The following FUT8 variants were observed in gnomAD, a reference collection of about 807,000 sequenced individuals.
FUT8 encodes fucosyltransferase 8.
A neutral mutation model predicts 71.3 loss-of-function variants in FUT8; 29 were observed. The observed-to-expected ratio is 0.41, with a 90% CI of 0.30 to 0.55. The LOEUF is 0.55. Ranked by LOEUF, FUT8 falls within the 20% of genes least tolerant of loss-of-function variation. The pLI, the probability that FUT8 is intolerant of heterozygous loss-of-function variation, is 0.34. For missense variants in FUT8, 544 were observed against 702.1 expected, an observed-to-expected ratio of 0.77 and a Z score of 2.55; for synonymous variants, 254 against 239.3, an observed-to-expected ratio of 1.06 and a Z score of -0.57.
intron 7 of FUT8, among the ~76,000 whole-genome samples, chr14:65,709,690 A>G (rs115259188): frequency 4.0e-4 from 61 of 152,270 alleles, no homozygotes; most frequent in African/African-American, 1.4e-3. Context: ...AAGTACAGAA[A>G]TGCTTTTTTG....
chr14:65,514,790 T>C (rs535708366), intron 2 of FUT8, among the ~76,000 whole-genome samples: 8 of 152,310 alleles, frequency 5.3e-5, no homozygotes, highest in Admixed American at 2.6e-4. Context: ...TGTGCCAAGC[T>C]GGTGCGCTGC....
At chr14:65,670,145 C>T (rs1055470403) in intron 7 of FUT8, among the ~76,000 whole-genome samples, 1 of 152,112 alleles carries the variant, frequency 6.6e-6, no homozygotes, top group Non-Finnish European at 1.5e-5. Context: ...TAAGAAATTT[C>T]CTTTCTCTCC....
At chr14:65,392,130 C>T in the FUT8 span, among the ~76,000 whole-genome samples, 8 of 151,864 alleles carry the variant, frequency 5.3e-5, no homozygotes, top group African/African-American at 1.9e-4. Flanking sequence ...TGGGGTTTCT[C>T]AATGTTGGTC....
the FUT8 span, among the ~76,000 whole-genome samples, chr14:65,390,437 G>T: frequency 2.6e-5 from 4 of 151,582 alleles, no homozygotes; most frequent in South Asian, 8.3e-4. Context: ...TAGAAGAGAG[G>T]TTCACTTTTC....
chr14:65,502,305 A>G (rs943766433), intron 2 of FUT8, among the ~76,000 whole-genome samples: 6 of 150,738 alleles, frequency 4.0e-5, no homozygotes, highest in African/African-American at 7.3e-5. Flanking sequence ...GCTCACTGCA[A>G]TCTCCACCCC....
intron 1 of FUT8, among the ~76,000 whole-genome samples, chr14:65,452,753 A>G (rs978043562): frequency 6.6e-5 from 10 of 152,240 alleles, no homozygotes; most frequent in African/African-American, 2.4e-4. Context: ...ACACATGGTT[A>G]GGAGTAGGGC....
chr14:65,378,258 A>G, the FUT8 span, among the ~76,000 whole-genome samples: 2 of 152,266 alleles, frequency 1.3e-5, no homozygotes, highest in East Asian at 3.9e-4. Flanking sequence ...CTGCTAAGAA[A>G]GAGGTTGAGA....
At chr14:65,549,728 T>G (rs1324014376) in intron 2 of FUT8, among the ~76,000 whole-genome samples, 1 of 152,222 alleles carries the variant, frequency 6.6e-6, no homozygotes, top group Non-Finnish European at 1.5e-5. Flanking sequence ...TAATAGTTAC[T>G]GTAAGGTGAT....
chr14:65,472,617 G>A lies in FUT8; in HGVS notation c.-228+16899G>A, dbSNP rs2066165351. 6.6e-6 allele frequency among the ~76,000 whole-genome samples: 1 copy of A among 151,522 alleles called. No homozygotes were observed. Among genetic ancestry groups the A allele is most frequent in the Admixed American group, 6.6e-5 (1 of 15,232 alleles). ...CCTTTTTGGGTGTAGGGTCATGTCA[G>A]GCTTTACTAATTGCACTTCTGATAA... is the stretch of plus-strand genomic sequence containing the variant. On this transcript the variant is annotated intron_variant, in intron 2 of 10. Transcript: ENST00000673929. This position sits in a 1 kb window ranked among gnomAD's most constrained non-coding sequence, Gnocchi z 4.4.
chr14:65,550,493 GGTTGTAGGGTTACTCA>G lies in FUT8; in HGVS notation c.-227-10842_-227-10827del, dbSNP rs1464917011. Among the ~76,000 whole-genome samples, 3 of 152,102 alleles carry G rather than the reference GGTTGTAGGGTTACTCA, an allele frequency of 2.0e-5. No homozygotes were observed. Among genetic ancestry groups the G allele is most frequent in the African/African-American group, 7.2e-5 (3 of 41,410 alleles). Reference sequence around the variant, plus strand: ...CTTTACTGAAAGTGAAGAACAAAATGGTTGTAGGGTTACTCAGAGTGGTTTCTACTGAATATATATT... The same window carrying G: ...CTTTACTGAAAGTGAAGAACAAAATGGAGTGGTTTCTACTGAATATATATT... On this transcript the variant is annotated intron_variant, in intron 2 of 10. Coordinates refer to ENST00000673929, the MANE Select transcript of FUT8 (RefSeq NM_001371533.1). This position sits in a 1 kb window ranked among gnomAD's most constrained non-coding sequence, Gnocchi z 4.5.
At chr14:65,730,866 G>A (rs1189822280) in intron 9 of FUT8, among the ~76,000 whole-genome samples, 1 of 152,128 alleles carries the variant, frequency 6.6e-6, no homozygotes, top group Non-Finnish European at 1.5e-5. Flanking sequence ...TGGAGATTAG[G>A]GATGGGGTTA....
At chr14:65,724,503 T>C (rs964818197) in intron 9 of FUT8, among the ~76,000 whole-genome samples, 180 bp downstream of exon 9, 2 of 152,240 alleles carry the variant, frequency 1.3e-5, no homozygotes, top group African/African-American at 4.8e-5. Context: ...TTATTAGCCA[T>C]ATCCAATAAT....
chr14:65,585,981 T>G (rs866437026), intron 3 of FUT8, among the ~76,000 whole-genome samples: 2 of 152,076 alleles, frequency 1.3e-5, no homozygotes, highest in Admixed American at 6.6e-5. Context: ...AGCAAGAGAT[T>G]AAAACATAGA....
chr14:65,708,227 G>T (rs1288129572), intron 7 of FUT8, among the ~76,000 whole-genome samples: 1 of 152,148 alleles, frequency 6.6e-6, no homozygotes, highest in Non-Finnish European at 1.5e-5. Context: ...TTTATCAGGG[G>T]CTCTTCCCTC....
intron 2 of FUT8, among the ~76,000 whole-genome samples, chr14:65,547,385 CAT>C (rs1395253808): frequency 1.5e-4 from 22 of 151,182 alleles, no homozygotes; most frequent in Admixed American, 1.4e-3. Context: ...TAAGTATTGT[CAT>C]ATATTTTACT....
At chr14:65,649,673 TCTC>T (rs1891271145) in intron 6 of FUT8, among the ~76,000 whole-genome samples, 1 of 152,202 alleles carries the variant, frequency 6.6e-6, no homozygotes, top group Non-Finnish European at 1.5e-5. Flanking sequence ...CTTTGAATAA[TCTC>T]CTTAAGTTTT....
In FUT8 at chr14:65,504,485, T is replaced by C. The variant is rs183865387; in HGVS notation, c.-228+48767T>C. On this transcript the variant is annotated intron_variant, in intron 2 of 10. Coordinates refer to ENST00000673929, the MANE Select transcript of FUT8 (RefSeq NM_001371533.1). ...ACCCAGATTCAAGCAATAATACCTG[T>C]CTTCATAATTGTCATGTGGTTTTGT... Among the ~76,000 whole-genome samples the C allele has an allele frequency of 6.4e-4, 97 of 152,344 alleles. 1 individual carries two copies. The highest frequency in any genetic ancestry group is 6.9e-4 in the Non-Finnish European group (47 of 68,042).
At chr14:65,655,515 T>A (rs1453847795) in intron 6 of FUT8, among the ~76,000 whole-genome samples, 1 of 150,376 alleles carries the variant, frequency 6.6e-6, no homozygotes, top group Non-Finnish European at 1.5e-5. Context: ...TGTATTAATC[T>A]CAGACAGAAT....
chr14:65,608,094 A>G (rs1008531819), intron 3 of FUT8, among the ~76,000 whole-genome samples: 3 of 150,874 alleles, frequency 2.0e-5, no homozygotes, highest in Non-Finnish European at 4.4e-5. Context: ...GCTTGAATCT[A>G]AAGTTTCAAA....
Sources: gnomAD v4.1 joint callset for allele counts (sites outside exome capture counted in the v4.1 genomes callset) on GRCh38, gnomAD v4.1.1 for gene constraint, Gnocchi (gnomAD v3.1) non-coding constraint, MANE v1.5 for transcripts, NCBI Gene and HGNC (gene_info 2026-07-23, HGNC 2026-07-21) for gene names.